Variants in IMMP2L observed in about 807,000 individuals in gnomAD.
The protein encoded by IMMP2L is mitochondrial inner membrane protease subunit 2.
Under a neutral mutation model 19.3 loss-of-function variants are expected in IMMP2L, and 18 were observed. The ratio of observed to expected loss-of-function variants is 0.93; its 90% confidence interval spans 0.64 to 1.38. The LOEUF is 1.38. Among genes scored for constraint, IMMP2L ranks in the 40% most tolerant of loss-of-function variants. The probability of loss-of-function intolerance (pLI) is 0.00; values close to 1 mark genes in which losing one functional copy is unlikely to be tolerated. For synonymous variants in IMMP2L, 76 were observed against 73.0 expected (o/e 1.04, Z -0.21); for missense variants, 233 against 218.2 (o/e 1.07, Z -0.43).
intron 3 of IMMP2L, among the ~76,000 whole-genome samples, chr7:111,154,771 T>A (rs557243771): frequency 3.0e-4 from 46 of 152,258 alleles, no homozygotes; most frequent in Non-Finnish European, 3.8e-4. Context: ...TGTTGTTTTT[T>A]GACACAAGGT....
At chr7:110,804,942 T>A (rs557761988) in intron 5 of IMMP2L, among the ~76,000 whole-genome samples, 25 of 152,200 alleles carry the variant, frequency 1.6e-4, no homozygotes, top group African/African-American at 5.8e-4. Flanking sequence ...TACATTAGCT[T>A]AAACATTTAT....
At chr7:111,015,694 T>A (rs1176702036) in intron 3 of IMMP2L, among the ~76,000 whole-genome samples, 1 of 151,904 alleles carries the variant, frequency 6.6e-6, no homozygotes, top group Non-Finnish European at 1.5e-5. Context: ...AAATGGAGAG[T>A]GAATGCTAAT....
chr7:110,893,307 A>C (rs1413499181), intron 4 of IMMP2L, among the ~76,000 whole-genome samples: 1 of 152,176 alleles, frequency 6.6e-6, no homozygotes, highest in Admixed American at 6.5e-5. Context: ...CCTTACATTT[A>C]TAAAAAATTT....
chr7:111,264,252 T>A (rs993548188), intron 3 of IMMP2L, among the ~76,000 whole-genome samples: 19 of 152,158 alleles, frequency 1.2e-4, no homozygotes, highest in Non-Finnish European at 2.4e-4. Flanking sequence ...GAACATCACC[T>A]GACAAGGGCA....
At chr7:111,241,652 T>C (rs1039391081) in intron 3 of IMMP2L, among the ~76,000 whole-genome samples, 1 of 151,750 alleles carries the variant, frequency 6.6e-6, no homozygotes, top group African/African-American at 2.4e-5. Flanking sequence ...ACCAAGGGTC[T>C]AGCCAAATGT....
chr7:110,904,302 T>G (rs574034811), intron 4 of IMMP2L, among the ~76,000 whole-genome samples: 1 of 152,184 alleles, frequency 6.6e-6, no homozygotes, highest in Non-Finnish European at 1.5e-5. Context: ...TTACTTTTAG[T>G]GTCATATCCA....
intron 2 of IMMP2L, among the ~76,000 whole-genome samples, chr7:111,490,243 A>G (rs1476545898): frequency 6.6e-6 from 1 of 150,988 alleles, no homozygotes; most frequent in Non-Finnish European, 1.5e-5. Context: ...CAGGTCTACA[A>G]GTGCATACCA....
At chr7:110,696,868 A>G (rs759852001) in intron 5 of IMMP2L, among the ~76,000 whole-genome samples, 5 of 152,176 alleles carry the variant, frequency 3.3e-5, no homozygotes, top group Non-Finnish European at 7.3e-5. Flanking sequence ...TAAAAAAAGT[A>G]GCACAGATGA....
intron 3 of IMMP2L, among the ~76,000 whole-genome samples, chr7:111,051,581 G>A (rs569069116): frequency 1.3e-5 from 2 of 152,192 alleles, no homozygotes; most frequent in South Asian, 2.1e-4. Context: ...TCAAGCTTTC[G>A]TATTTGAAAA....
Position 111,218,216 on chromosome 7 carries a change from TTTTC to T in IMMP2L, c.240-254655_240-254652del, listed in dbSNP as rs370700678. Among the ~76,000 whole-genome samples the T allele has an allele frequency of 3.6e-3, 546 of 152,132 alleles. 4 individuals carry two copies. The highest frequency in any genetic ancestry group is 0.013 in the African/African-American group (520 of 41,524). On this transcript the variant is annotated intron_variant, in intron 3 of 5. Transcript: ENST00000405709. ...CCCAAGTATCTGCTCTGTTCTGAAG[TTTTC>T]TTATGCAAGACATCACCAGACCTGG...
intron 3 of IMMP2L, among the ~76,000 whole-genome samples, chr7:111,135,715 T>C (rs528955122): frequency 3.9e-4 from 60 of 152,304 alleles, no homozygotes; most frequent in African/African-American, 1.3e-3. Context: ...ATGCTTATTA[T>C]ACAAAATCAA....
intron 2 of IMMP2L, among the ~76,000 whole-genome samples, chr7:111,518,435 C>A (rs1489195250): frequency 1.3e-5 from 2 of 152,058 alleles, no homozygotes; most frequent in African/African-American, 4.8e-5. Flanking sequence ...TGCTGAGTGA[C>A]CTTCAAGAGT....
intron 3 of IMMP2L, among the ~76,000 whole-genome samples, chr7:111,142,343 AG>A (rs1248190352): frequency 1.2e-3 from 8 of 6,478 alleles, no homozygotes; most frequent in Admixed American, 4.9e-3. Context: ...AAAAAAAAAA[AG>A]AAAGAAAGAA....
chr7:111,511,531 C>T (rs1301573577), intron 2 of IMMP2L, among the ~76,000 whole-genome samples: 1 of 151,800 alleles, frequency 6.6e-6, no homozygotes, highest in African/African-American at 2.4e-5. Flanking sequence ...AGCCTGTAAT[C>T]CCAGCTACTC....
intron 3 of IMMP2L, among the ~76,000 whole-genome samples, chr7:111,296,658 G>A (rs1821670238): frequency 6.6e-6 from 1 of 151,790 alleles, no homozygotes; most frequent in Admixed American, 6.6e-5. Context: ...CATACACTTA[G>A]TACACACTTA....
intron 3 of IMMP2L, among the ~76,000 whole-genome samples, chr7:111,206,456 G>A (rs1392649536): frequency 2.6e-5 from 4 of 151,888 alleles, no homozygotes; most frequent in Admixed American, 2.6e-4. Flanking sequence ...GCATTTTGGT[G>A]TATAGCGACC....
chr7:110,747,720 G>A (rs891890838), intron 5 of IMMP2L, among the ~76,000 whole-genome samples: 10 of 152,014 alleles, frequency 6.6e-5, no homozygotes, highest in South Asian at 4.1e-4. Context: ...AAAAACTCTC[G>A]ATAAACTAGG....
chr7:110,857,104 T>A (rs1806874859), intron 5 of IMMP2L, among the ~76,000 whole-genome samples: 2 of 152,082 alleles, frequency 1.3e-5, no homozygotes, highest in Non-Finnish European at 2.9e-5. Context: ...GGATAGCTAT[T>A]TGTGTGCCAT....
intron 5 of IMMP2L, among the ~76,000 whole-genome samples, chr7:110,765,031 A>G (rs531928624): frequency 6.6e-6 from 1 of 152,244 alleles, no homozygotes; most frequent in South Asian, 2.1e-4. Flanking sequence ...CATCTATAAA[A>G]TGAAGAAATA....
Sources: allele counts gnomAD v4.1 joint callset (sites outside exome capture counted in the v4.1 genomes callset), GRCh38; gene constraint gnomAD v4.1.1; transcripts MANE v1.5; gene names NCBI Gene and HGNC (gene_info 2026-07-23, HGNC 2026-07-21).